AFAP1: variants seen among roughly 807,000 people sequenced by gnomAD.
AFAP1 encodes the protein actin filament associated protein 1.
AFAP1 carries 75 observed loss-of-function variants against 93.9 expected under a neutral mutation model. That is an observed-to-expected ratio of 0.80 (90% CI 0.66 to 0.97). The LOEUF (loss-of-function observed/expected upper bound fraction) is 0.97. Ranked by LOEUF, AFAP1 falls within the 50% of genes least tolerant of loss-of-function variation. The pLI is 0.00. For missense variants in AFAP1, 1,201 were observed against 1,050.8 expected, an observed-to-expected ratio of 1.14 and a Z score of -1.98; for synonymous variants, 517 against 430.7, an observed-to-expected ratio of 1.20 and a Z score of -2.48.
chr4:7,821,138 A>G (rs1030784734), intron 6 of AFAP1, among the ~76,000 whole-genome samples: 6 of 152,160 alleles, frequency 3.9e-5, no homozygotes, highest in Non-Finnish European at 7.3e-5. Flanking sequence ...ATATATACAT[A>G]TATCTGTTAC....
At chr4:7,765,234 C>T (rs1480389165) in intron 17 of AFAP1, among the ~76,000 whole-genome samples, 1 of 152,126 alleles carries the variant, frequency 6.6e-6, no homozygotes, top group African/African-American at 2.4e-5. Context: ...CTGCTGCCTC[C>T]CAACAGGCCA....
intron 5 of AFAP1, among the ~76,000 whole-genome samples, chr4:7,841,255 G>GGATACCACT: frequency 6.6e-6 from 1 of 152,202 alleles, no homozygotes; most frequent in Non-Finnish European, 1.5e-5. Flanking sequence ...TCTGGGGCTG[G>GGATACCACT]AAGGCCCCAT....
At chr4:7,764,670 C>T (rs1342657578) in intron 17 of AFAP1, among the ~76,000 whole-genome samples, 2 of 152,228 alleles carry the variant, frequency 1.3e-5, no homozygotes, top group African/African-American at 4.8e-5. Flanking sequence ...GTGCTGGCTG[C>T]AGATGGCTGT....
At chr4:7,867,711 CTT>C in intron 3 of AFAP1, among the ~76,000 whole-genome samples, 1 of 152,222 alleles carries the variant, frequency 6.6e-6, no homozygotes, top group South Asian at 2.1e-4. Context: ...GTTAGGGGTT[CTT>C]TGAGGCCAAG....
intron 6 of AFAP1, among the ~76,000 whole-genome samples, chr4:7,834,383 A>G (rs1191067915): frequency 2.0e-5 from 3 of 152,214 alleles, no homozygotes; most frequent in Admixed American, 2.0e-4. Flanking sequence ...GAGGTAAGGG[A>G]TAAAAGACTA....
At chr4:7,927,409 C>T (rs558507452) in intron 1 of AFAP1, among the ~76,000 whole-genome samples, 3 of 152,310 alleles carry the variant, frequency 2.0e-5, no homozygotes, top group African/African-American at 7.2e-5. Context: ...AAAAGGATCA[C>T]AATAATAGAG....
intron 1 of AFAP1, among the ~76,000 whole-genome samples, chr4:7,922,484 G>A (rs915096599): frequency 3.9e-5 from 6 of 152,202 alleles, no homozygotes; most frequent in Admixed American, 6.5e-5. Context: ...ATGGAGATAA[G>A]AACATAGGCG....
intron 9 of AFAP1, among the ~76,000 whole-genome samples, chr4:7,801,914 CAAAAAAAAA>C (rs531684652): frequency 1.7e-4 from 11 of 65,198 alleles, no homozygotes; most frequent in East Asian, 1.9e-3. Context: ...GACCCTATCA[CAAAAAAAAA>C]AAAAAAAAAA....
intron 6 of AFAP1, among the ~76,000 whole-genome samples, chr4:7,832,717 A>G (rs1377614322): frequency 1.3e-5 from 2 of 152,324 alleles, no homozygotes; most frequent in Admixed American, 6.5e-5. Flanking sequence ...CTAAGCAAAA[A>G]GAACAAACAA....
intron 6 of AFAP1, among the ~76,000 whole-genome samples, chr4:7,826,740 C>G (rs559315551): frequency 6.6e-6 from 1 of 152,174 alleles, no homozygotes; most frequent in East Asian, 1.9e-4. Flanking sequence ...GCTGCAACAA[C>G]GTGCAGCCCC....
In AFAP1 at chr4:7,809,712, A is replaced by G. The variant is rs1248724221; in HGVS notation, c.956T>C (p.Val319Ala). ...GATCTTGGTGATTTTTTTCCCAGTGACTTTCGACACAGTGCCCTTGGCCTC... is the reference window on the plus strand; with the variant it reads ...GATCTTGGTGATTTTTTTCCCAGTGGCTTTCGACACAGTGCCCTTGGCCTC... Reference protein sequence around the residue: ...KSEAKGTVSKVTGKKITKIIS... With the variant: ...KSEAKGTVSKATGKKITKIIS... Residue 319 changes from valine (V) to alanine (A), a missense_variant, in exon 9 of 18, where the codon GTC becomes GCC. Coordinates refer to ENST00000420658, the MANE Select transcript of AFAP1 (RefSeq NM_001134647.2). The G allele has an allele frequency of 1.9e-6, 3 of 1,612,856 alleles. No individual in the cohort carries two copies. The highest frequency in any genetic ancestry group is 2.5e-6 in the Non-Finnish European group (3 of 1,179,424).
chr4:7,785,441 T>A (rs866893752), intron 12 of AFAP1, among the ~76,000 whole-genome samples: 1 of 152,192 alleles, frequency 6.6e-6, no homozygotes, highest in African/African-American at 2.4e-5. Context: ...CAAGGTAAGC[T>A]GTCGAATTTG....
At chr4:7,769,208 C>T (rs1390465914) in intron 16 of AFAP1, among the ~76,000 whole-genome samples, 200 bp from the exon 17 acceptor site, 3 of 152,194 alleles carry the variant, frequency 2.0e-5, no homozygotes, top group Non-Finnish European at 4.4e-5. Flanking sequence ...GGCAGAGGCT[C>T]CGACGGGCAG....
In AFAP1 at chr4:7,774,572, G is replaced by C. The variant is rs1393386115; in HGVS notation, c.2062+167C>G. On this transcript the variant is annotated intron_variant, in intron 15 of 17. Coordinates refer to ENST00000420658, the MANE Select transcript of AFAP1 (RefSeq NM_001134647.2). The stretch of plus-strand genomic sequence containing the variant: ...TTGACCACACAGGCACCTGCCTCGG[G>C]GTTACCAGCAATGTTTCCAAGCCCC... 38 of 1,089,466 alleles carry C rather than the reference G, an allele frequency of 3.5e-5. 1 individual carries two copies. 67.5% of individuals were successfully genotyped at this position (1,089,466 alleles called of 1,614,324 possible).
At chr4:7,905,925 G>A (rs112623126) in intron 1 of AFAP1, among the ~76,000 whole-genome samples, 5 of 152,174 alleles carry the variant, frequency 3.3e-5, no homozygotes, top group African/African-American at 7.2e-5. Context: ...AGCACCTTCC[G>A]CAGGGGGACA....
intron 4 of AFAP1, chr4:7,843,612 G>C (rs990097154): frequency 2.6e-6 from 1 of 389,356 alleles, no homozygotes; most frequent in Non-Finnish European, 4.7e-6. Flanking sequence ...TCATATGGAC[G>C]GGACCCCACG....
intron 1 of AFAP1, among the ~76,000 whole-genome samples, chr4:7,925,147 C>T (rs750168949): frequency 6.6e-5 from 10 of 151,606 alleles, no homozygotes; most frequent in Non-Finnish European, 8.8e-5. Context: ...CTCATAGGGT[C>T]GGCCTTCCTT....
intron 1 of AFAP1, among the ~76,000 whole-genome samples, chr4:7,875,492 G>A (rs968005870): frequency 3.3e-5 from 5 of 152,028 alleles, no homozygotes; most frequent in Non-Finnish European, 5.9e-5. Context: ...GTTGGCTCAC[G>A]TCTGTAATCC....
intron 10 of AFAP1, among the ~76,000 whole-genome samples, chr4:7,796,170 C>T (rs1718400817): frequency 6.6e-6 from 1 of 152,264 alleles, no homozygotes; most frequent in Non-Finnish European, 1.5e-5. Flanking sequence ...GCCCCCAGAT[C>T]CTGGCTTCTC....
Sources: allele counts gnomAD v4.1 joint callset (sites outside exome capture counted in the v4.1 genomes callset), GRCh38; gene constraint gnomAD v4.1.1; transcripts MANE v1.5; gene names NCBI Gene and HGNC (gene_info 2026-07-23, HGNC 2026-07-21).